The following MND1 variants were observed in gnomAD, a reference collection of about 807,000 sequenced individuals.
MND1 encodes meiotic nuclear division protein 1 homolog.
In MND1, 28 loss-of-function variants were observed where a neutral mutation model predicts 35.1. The observed-to-expected ratio is 0.80, with a 90% CI of 0.59 to 1.09. MND1 has a LOEUF of 1.09. MND1 is among the 50% of genes least tolerant of loss of function. The pLI, the probability that MND1 is intolerant of heterozygous loss-of-function variation, is 0.00. For synonymous variants in MND1, 69 were observed against 70.5 expected (o/e 0.98, Z 0.11); for missense variants, 213 against 239.6 (o/e 0.89, Z 0.73).
chr4:153,346,958 A>G (rs1335573325), intron 1 of MND1, among the ~76,000 whole-genome samples: 4 of 152,210 alleles, frequency 2.6e-5, no homozygotes, highest in Admixed American at 2.6e-4. Context: ...GGCTGACAAA[A>G]GTAGGGTTCT....
At chr4:153,389,870 T>A (rs62324671) in intron 4 of MND1, among the ~76,000 whole-genome samples, 2,507 of 152,260 alleles carry the variant, frequency 0.016, 31 homozygotes, top group East Asian at 0.059. Flanking sequence ...GAAAATAGAT[T>A]CTTGTTTAGT....
chr4:153,408,948 T>C, intron 6 of MND1, 23 bp from the exon 7 acceptor site: 1 of 1,003,992 alleles, frequency 1.0e-6, no homozygotes, highest in Non-Finnish European at 1.3e-6. Flanking sequence ...ACATTTCATT[T>C]TATATATATA....
intron 4 of MND1, among the ~76,000 whole-genome samples, chr4:153,393,073 C>T (rs1026969922): frequency 2.0e-5 from 3 of 151,896 alleles, no homozygotes; most frequent in Admixed American, 1.3e-4. Context: ...GAGTCATGAT[C>T]GTGACACTGC....
intron 6 of MND1, among the ~76,000 whole-genome samples, chr4:153,398,512 G>T (rs1729260339): frequency 6.6e-6 from 1 of 152,196 alleles, no homozygotes; most frequent in African/African-American, 2.4e-5. Flanking sequence ...TAAGAGACAG[G>T]TCGCTGCTTT....
chr4:153,412,296 A>C (rs1478861566), intron 7 of MND1, among the ~76,000 whole-genome samples: 1 of 152,206 alleles, frequency 6.6e-6, no homozygotes, highest in Non-Finnish European at 1.5e-5. Flanking sequence ...AACTCCATGT[A>C]TTAGTTTGCT....
intron 4 of MND1, among the ~76,000 whole-genome samples, chr4:153,385,514 A>G (rs969785132): frequency 2.6e-5 from 4 of 152,040 alleles, no homozygotes; most frequent in Non-Finnish European, 5.9e-5. Flanking sequence ...CCAGGGGTTC[A>G]GGACCAGCCT....
intron 6 of MND1, among the ~76,000 whole-genome samples, chr4:153,407,030 G>A (rs904663616): frequency 1.2e-4 from 18 of 152,230 alleles, no homozygotes; most frequent in Middle Eastern, 3.4e-3. Context: ...GGAAAGACCC[G>A]CCCTCATAAT....
intron 6 of MND1, among the ~76,000 whole-genome samples, chr4:153,400,051 G>A (rs1729306865): frequency 6.6e-6 from 1 of 151,688 alleles, no homozygotes; most frequent in Middle Eastern, 3.2e-3. Context: ...ACAGGCACAT[G>A]TCACTACACC....
At chr4:153,406,684 C>T (rs1729518438) in intron 6 of MND1, among the ~76,000 whole-genome samples, 1 of 151,888 alleles carries the variant, frequency 6.6e-6, no homozygotes, top group African/African-American at 2.4e-5. Context: ...GGACACTTCC[C>T]CCAAGAAGAT....
intron 4 of MND1, among the ~76,000 whole-genome samples, chr4:153,389,721 T>G (rs909271429): frequency 2.0e-5 from 3 of 152,242 alleles, no homozygotes; most frequent in Non-Finnish European, 4.4e-5. Flanking sequence ...GACTTTTGTA[T>G]TTCTTTTAAA....
intron 6 of MND1, among the ~76,000 whole-genome samples, chr4:153,401,720 C>T (rs922227282): frequency 3.9e-5 from 6 of 152,150 alleles, no homozygotes; most frequent in Non-Finnish European, 8.8e-5. Flanking sequence ...TTATATTGCT[C>T]AGGCTTATCT....
At chr4:153,397,446 G>A in intron 6 of MND1, 113 bp downstream of exon 6, 7 of 690,752 alleles carry the variant, frequency 1.0e-5, no homozygotes, top group Non-Finnish European at 1.7e-5. Flanking sequence ...AACTAGTTAA[G>A]GTAGTATTCT....
intron 7 of MND1, among the ~76,000 whole-genome samples, chr4:153,412,521 C>T (rs922152183): frequency 1.4e-4 from 21 of 146,098 alleles, no homozygotes; most frequent in Admixed American, 1.3e-3. Flanking sequence ...CTTGATGTGT[C>T]GCCCAGGCTG....
At chr4:153,379,849 CAAAAAAAAAAAAAA>C (rs34034237) in intron 4 of MND1, among the ~76,000 whole-genome samples, 33 of 62,492 alleles carry the variant, frequency 5.3e-4, no homozygotes, top group East Asian at 5.9e-4. Context: ...GACTCCATCT[CAAAAAAAAAAAAAA>C]AAAAAAAAAA....
At chr4:153,368,253 C>T (rs185088799) in intron 4 of MND1, among the ~76,000 whole-genome samples, 2 of 152,154 alleles carry the variant, frequency 1.3e-5, no homozygotes, top group Non-Finnish European at 1.5e-5. Flanking sequence ...CATCTCTCCT[C>T]TCAGAAACCT....
intron 4 of MND1, among the ~76,000 whole-genome samples, chr4:153,386,986 G>A (rs1728886871): frequency 6.6e-6 from 1 of 152,126 alleles, no homozygotes; most frequent in Admixed American, 6.5e-5. Flanking sequence ...TTAGCTTTGA[G>A]TCTTTTAAAA....
In MND1 at chr4:153,385,548, T is replaced by C. The variant is rs564250424; in HGVS notation, c.277-8714T>C. 2.0e-5 allele frequency among the ~76,000 whole-genome samples: 3 copies of C among 151,910 alleles called. No homozygotes were observed. In the East Asian group the frequency reaches 5.8e-4, roughly 29 times the overall value. ...CTGGTCAACATGGTAAAACACTGCC[T>C]CTACGAAAAATACAAAAATTAGCCC... On this transcript the variant is annotated intron_variant, in intron 4 of 7. Transcript: ENST00000240488.
intron 3 of MND1, among the ~76,000 whole-genome samples, chr4:153,357,690 C>G (rs550333154): frequency 6.6e-6 from 1 of 152,146 alleles, no homozygotes; most frequent in African/African-American, 2.4e-5. Flanking sequence ...CCTAATGTCC[C>G]CAGACAAATT....
At chr4:153,364,663 C>T (rs1222883561) in intron 4 of MND1, among the ~76,000 whole-genome samples, 1 of 152,032 alleles carries the variant, frequency 6.6e-6, no homozygotes, top group Non-Finnish European at 1.5e-5. Context: ...AATGAATAAA[C>T]AAAATGTGAA....
Sources: gnomAD v4.1 joint callset for allele counts (sites outside exome capture counted in the v4.1 genomes callset) on GRCh38, gnomAD v4.1.1 for gene constraint, MANE v1.5 for transcripts, NCBI Gene and HGNC (gene_info 2026-07-23, HGNC 2026-07-21) for gene names.